TBC1D12: variants seen among roughly 807,000 people sequenced by gnomAD.
TBC1D12 encodes the protein TBC1 domain family, member 12.
TBC1D12 carries 56 observed loss-of-function variants against 86.7 expected under a neutral mutation model. The observed-to-expected ratio is 0.65, with a 90% CI of 0.52 to 0.81. The LOEUF is 0.81. TBC1D12 is among the 30% of genes least tolerant of loss of function. The pLI is 0.00. For missense variants in TBC1D12, 1,023 were observed against 1,038.8 expected, an observed-to-expected ratio of 0.98 and a Z score of 0.21; for synonymous variants, 421 against 411.7, an observed-to-expected ratio of 1.02 and a Z score of -0.27.
chr10:94,526,224 A>T (rs1441277851), intron 11 of TBC1D12, among the ~76,000 whole-genome samples: 1 of 152,082 alleles, frequency 6.6e-6, no homozygotes, highest in East Asian at 1.9e-4. Context: ...TTGAGCTCAG[A>T]GTTTGAGACC....
chr10:94,413,264 G>A (rs1446353422), intron 1 of TBC1D12, among the ~76,000 whole-genome samples: 1 of 152,044 alleles, frequency 6.6e-6, no homozygotes, highest in Non-Finnish European at 1.5e-5. Context: ...TTCATTCTTG[G>A]CTTCCTTTTT....
intron 2 of TBC1D12, among the ~76,000 whole-genome samples, chr10:94,446,064 C>T (rs145376119): frequency 1.3e-5 from 2 of 152,130 alleles, no homozygotes; most frequent in Non-Finnish European, 2.9e-5. Context: ...TTTTGCTGTC[C>T]TCTTCCCTGC....
chr10:94,403,400 C>A lies in TBC1D12; in HGVS notation c.787C>A (p.Arg263Ser). The A allele has an allele frequency of 6.5e-7, 1 of 1,547,450 alleles. No homozygotes were observed. ...AERTNGGAEP[R>S]LGFSDIHFNS... ...GAGGACTAATGGGGGTGCGGAGCCG[C>A]GCCTGGGCTTTTCTGACATTCACTT... The change falls in exon 1 of 13, where the codon CGC (arginine) becomes AGC (serine). Residue 263 changes from arginine to serine, a missense_variant. Physicochemically the swap from Arg to Ser is moderately radical, Grantham distance 110 (BLOSUM62 -1). Coordinates refer to ENST00000225235, the MANE Select transcript of TBC1D12 (RefSeq NM_015188.2).
chr10:94,445,946 C>CA (rs111729943), intron 2 of TBC1D12, among the ~76,000 whole-genome samples: 2,369 of 135,854 alleles, frequency 0.017, 18 homozygotes, highest in South Asian at 0.032. Context: ...AAAACTGTCT[C>CA]AAAAAAAAAA....
intron 1 of TBC1D12, among the ~76,000 whole-genome samples, chr10:94,419,455 A>G (rs1459198853): frequency 1.3e-5 from 2 of 152,054 alleles, no homozygotes; most frequent in African/African-American, 2.4e-5. Context: ...TGGGTGGATC[A>G]TGAGGTCAGG....
At chr10:94,500,435 A>G in intron 6 of TBC1D12, 108 bp downstream of exon 6, 1 of 778,784 alleles carries the variant, frequency 1.3e-6, no homozygotes, top group Non-Finnish European at 1.9e-6. Context: ...TATCATATAT[A>G]ATGTCATTTT....
intron 2 of TBC1D12, among the ~76,000 whole-genome samples, chr10:94,468,940 C>T (rs544653477): frequency 9.2e-5 from 14 of 152,174 alleles, no homozygotes; most frequent in African/African-American, 2.6e-4. Flanking sequence ...CAAGATCTGA[C>T]GTGAATATTT....
At chr10:94,492,300 G>A (rs978900761) in intron 3 of TBC1D12, among the ~76,000 whole-genome samples, 1 of 152,182 alleles carries the variant, frequency 6.6e-6, no homozygotes, top group Admixed American at 6.5e-5. Flanking sequence ...GGACTACTAT[G>A]TATGCAAATG....
Position 94,402,760 on chromosome 10 carries a change from G to A in TBC1D12, c.147G>A (p.Pro49=), listed in dbSNP as rs759355052. 2 of 1,531,044 alleles carry A rather than the reference G, an allele frequency of 1.3e-6. No homozygotes were observed. The highest frequency in any genetic ancestry group is 1.4e-5 in the African/African-American group (1 of 72,624). The allele number at this position is 1,531,044 out of a possible 1,614,324, so 94.8% of individuals were successfully genotyped here. ...FGGGVGAVEP[P]EEADEEEEAD... Reference sequence around the variant, plus strand: ...GAGGCGTCGGCGCTGTGGAGCCGCCGGAGGAGGCTGACGAGGAGGAGGAGG... The same window carrying A: ...GAGGCGTCGGCGCTGTGGAGCCGCCAGAGGAGGCTGACGAGGAGGAGGAGG... Residue 49 remains proline, a synonymous_variant, in exon 1 of 13, where the codon CCG becomes CCA. Transcript: ENST00000225235.
At chr10:94,416,802 C>G (rs1212915913) in intron 1 of TBC1D12, among the ~76,000 whole-genome samples, 2 of 152,006 alleles carry the variant, frequency 1.3e-5, no homozygotes, top group Admixed American at 6.6e-5. Context: ...AACATGAAAG[C>G]TTAGTATTTT....
rs769594021 is a variant in TBC1D12 at position 94,531,199 on chromosome 10, T to C, written c.2001-3T>C. 11 of 1,598,624 alleles carry C rather than the reference T, an allele frequency of 6.9e-6. No homozygotes were observed. Among genetic ancestry groups the C allele is most frequent in the African/African-American group, 5.4e-5 (4 of 74,560 alleles). On this transcript the variant is annotated splice_polypyrimidine_tract_variant and splice_region_variant and intron_variant, in intron 11 of 12. Coordinates refer to ENST00000225235, the MANE Select transcript of TBC1D12 (RefSeq NM_015188.2). ...CAGTGACCATTTTTCCCTCTAATTTTAGGATCTTCACACTATATAGCAAAT... is the reference window on the plus strand; with the variant it reads ...CAGTGACCATTTTTCCCTCTAATTTCAGGATCTTCACACTATATAGCAAAT...
intron 3 of TBC1D12, among the ~76,000 whole-genome samples, chr10:94,478,763 A>G (rs980293101): frequency 6.6e-6 from 1 of 152,196 alleles, no homozygotes; most frequent in Non-Finnish European, 1.5e-5. Context: ...TACAATTCCT[A>G]GTATTGCCTA....
At chr10:94,441,800 T>C (rs2055385806) in intron 1 of TBC1D12, 96 bp from the exon 2 acceptor site, 6 of 1,233,548 alleles carry the variant, frequency 4.9e-6, no homozygotes, top group Non-Finnish European at 6.8e-6. Flanking sequence ...AAAAGTATTT[T>C]TGTTTTTGCC....
intron 3 of TBC1D12, among the ~76,000 whole-genome samples, chr10:94,492,182 A>G (rs4918333): frequency 0.45 from 68,659 of 151,960 alleles, 15,839 homozygotes; most frequent in East Asian, 0.79. Flanking sequence ...AAACTTTATC[A>G]TAGTTATGTA....
chr10:94,414,567 C>T (rs752399074), intron 1 of TBC1D12, among the ~76,000 whole-genome samples: 14 of 151,944 alleles, frequency 9.2e-5, no homozygotes, highest in Non-Finnish European at 1.8e-4. Context: ...GTCCCTGTCT[C>T]CCAGTGGCTT....
intron 1 of TBC1D12, among the ~76,000 whole-genome samples, chr10:94,410,813 A>G (rs1232785845): frequency 6.6e-6 from 1 of 152,212 alleles, no homozygotes; most frequent in Non-Finnish European, 1.5e-5. Flanking sequence ...AACTTCTGCC[A>G]TTAAATAATT....
intron 2 of TBC1D12, among the ~76,000 whole-genome samples, chr10:94,457,824 C>T (rs1307349607): frequency 6.6e-6 from 1 of 151,900 alleles, no homozygotes; most frequent in African/African-American, 2.4e-5. Flanking sequence ...TAGTGGTTGT[C>T]CTGGAGTTTG....
intron 2 of TBC1D12, among the ~76,000 whole-genome samples, chr10:94,452,828 A>G (rs2055571679): frequency 6.6e-6 from 1 of 152,162 alleles, no homozygotes; most frequent in Non-Finnish European, 1.5e-5. Flanking sequence ...GGATCATAAG[A>G]ATATGTTTAG....
At chr10:94,423,853 G>C (rs1564939884) in intron 1 of TBC1D12, among the ~76,000 whole-genome samples, 1 of 152,116 alleles carries the variant, frequency 6.6e-6, no homozygotes, top group Non-Finnish European at 1.5e-5. Flanking sequence ...AGTGGGAGTA[G>C]GTTGTAGGCA....
Sources: gnomAD v4.1 joint callset for allele counts (sites outside exome capture counted in the v4.1 genomes callset) on GRCh38, gnomAD v4.1.1 for gene constraint, MANE v1.5 for transcripts, NCBI Gene and HGNC (gene_info 2026-07-23, HGNC 2026-07-21) for gene names.